TRPM3: variants seen among roughly 807,000 people sequenced by gnomAD.
The protein encoded by TRPM3 is long transient receptor potential channel 3.
Under a neutral mutation model 181.2 loss-of-function variants are expected in TRPM3, and 77 were observed. That is an observed-to-expected ratio of 0.42 (90% CI 0.35 to 0.51). The LOEUF (loss-of-function observed/expected upper bound fraction) is 0.51. Ranked by LOEUF, TRPM3 falls within the 20% of genes least tolerant of loss-of-function variation. The pLI, the probability that TRPM3 is intolerant of heterozygous loss-of-function variation, is 0.01. For missense variants in TRPM3, 1,759 were observed against 2,196.7 expected (o/e 0.80, Z 3.98); for synonymous variants, 745 against 796.4 (o/e 0.94, Z 1.09).
chr9:71,062,950 G>A (rs12003537), intron 1 of TRPM3, among the ~76,000 whole-genome samples: 6,480 of 152,110 alleles, frequency 0.043, 507 homozygotes, highest in African/African-American at 0.15. Flanking sequence ...AAGTTACCCA[G>A]TTTGTGATAT....
intron 6 of TRPM3, among the ~76,000 whole-genome samples, chr9:70,822,005 G>A (rs1418036406): frequency 2.6e-5 from 4 of 152,194 alleles, no homozygotes; most frequent in Non-Finnish European, 5.9e-5. Context: ...TAAACTGACT[G>A]TAGTTGTTTT....
chr9:71,155,574 T>G (rs2075959252), intron 1 of TRPM3, among the ~76,000 whole-genome samples: 1 of 151,182 alleles, frequency 6.6e-6, no homozygotes, highest in Non-Finnish European at 1.5e-5. Context: ...AGGCTGGTCT[T>G]GAACTCCTGA....
At chr9:71,243,706 C>T (rs1016637143) in intron 1 of TRPM3, among the ~76,000 whole-genome samples, 1 of 152,184 alleles carries the variant, frequency 6.6e-6, no homozygotes, top group Admixed American at 6.5e-5. Context: ...CAGCAATGTG[C>T]TGTAATCACA....
At chr9:71,193,412 T>G (rs1411259163) in intron 1 of TRPM3, among the ~76,000 whole-genome samples, 1 of 151,766 alleles carries the variant, frequency 6.6e-6, no homozygotes, top group Admixed American at 6.6e-5. Context: ...TCATTCAAAC[T>G]CTCTTCTCAA....
intron 1 of TRPM3, among the ~76,000 whole-genome samples, chr9:71,237,320 A>G (rs531123727): frequency 1.5e-4 from 23 of 152,274 alleles, no homozygotes; most frequent in African/African-American, 4.8e-4. Context: ...ACAGTTCTAA[A>G]GTATGACCAA....
intron 1 of TRPM3, among the ~76,000 whole-genome samples, chr9:71,248,438 G>A (rs1316906370): frequency 6.6e-6 from 1 of 152,098 alleles, no homozygotes; most frequent in Admixed American, 6.6e-5. Flanking sequence ...ACACACCAGG[G>A]GACAAAGCTA....
intron 24 of TRPM3, among the ~76,000 whole-genome samples, chr9:70,551,544 G>A (rs1170534444): frequency 6.6e-6 from 1 of 152,206 alleles, no homozygotes; most frequent in East Asian, 1.9e-4. Context: ...CACTGGAAAG[G>A]AAATGGATCT....
chr9:71,085,818 C>T (rs192442520), intron 1 of TRPM3, among the ~76,000 whole-genome samples: 146 of 152,124 alleles, frequency 9.6e-4, no homozygotes, highest in African/African-American at 3.3e-3. Flanking sequence ...AATAGGACTA[C>T]CATTCAGCTC....
chr9:70,879,102 G>C (rs1353202384), intron 1 of TRPM3, among the ~76,000 whole-genome samples: 4 of 152,072 alleles, frequency 2.6e-5, no homozygotes, highest in Admixed American at 2.6e-4. Context: ...TGCAGATAAG[G>C]ACACTGAGGA....
intron 1 of TRPM3, among the ~76,000 whole-genome samples, chr9:71,206,985 C>G (rs1173717503): frequency 6.6e-6 from 1 of 152,056 alleles, no homozygotes; most frequent in Admixed American, 6.6e-5. Context: ...GGGATGTTCT[C>G]TTTATCAGTA....
intron 9 of TRPM3, among the ~76,000 whole-genome samples, chr9:70,651,877 T>A (rs566497993): frequency 6.6e-6 from 1 of 152,184 alleles, no homozygotes; most frequent in Admixed American, 6.5e-5. Flanking sequence ...TAGAAGAGTG[T>A]TCTGATCAAA....
intron 21 of TRPM3, among the ~76,000 whole-genome samples, chr9:70,596,977 C>T (rs1272785121): frequency 6.6e-6 from 1 of 152,038 alleles, no homozygotes; most frequent in Non-Finnish European, 1.5e-5. Context: ...TCTTCTTGCC[C>T]AGGCTGGAGT....
At chr9:70,557,309 G>A (rs796632949) in intron 22 of TRPM3, among the ~76,000 whole-genome samples, 117 of 152,266 alleles carry the variant, frequency 7.7e-4, no homozygotes, top group African/African-American at 2.5e-3. Context: ...CAGCAGTAAC[G>A]GCAATATCCG....
At chr9:70,996,845 C>G (rs542755117) in intron 1 of TRPM3, among the ~76,000 whole-genome samples, 1 of 152,246 alleles carries the variant, frequency 6.6e-6, no homozygotes, top group East Asian at 1.9e-4. Flanking sequence ...TTATTTGGCT[C>G]CTATGAACAG....
intron 1 of TRPM3, among the ~76,000 whole-genome samples, chr9:71,182,453 G>C (rs1318962821): frequency 6.6e-6 from 1 of 151,952 alleles, no homozygotes; most frequent in Non-Finnish European, 1.5e-5. Context: ...AGCAAAACCT[G>C]ACAATTTCCT....
intron 8 of TRPM3, among the ~76,000 whole-genome samples, chr9:70,690,718 A>G (rs1340711013): frequency 1.3e-5 from 2 of 152,152 alleles, no homozygotes; most frequent in African/African-American, 2.4e-5. Context: ...ACAAAAATCT[A>G]TGTTCATCAA....
chr9:71,446,564 G>C, intron 1 of TRPM3: 1 of 1,354,280 alleles, frequency 7.4e-7, no homozygotes, highest in Non-Finnish European at 1.0e-6. Context: ...CACCCTTAGG[G>C]AGGCAAGTTC....
At chr9:71,185,527 T>C (rs772189265) in intron 1 of TRPM3, among the ~76,000 whole-genome samples, 1 of 152,212 alleles carries the variant, frequency 6.6e-6, no homozygotes, top group Non-Finnish European at 1.5e-5. Context: ...GTTACTGACG[T>C]AGACCTGGCT....
At chr9:70,955,693 G>T (rs2097060755) in intron 1 of TRPM3, among the ~76,000 whole-genome samples, 2 of 152,122 alleles carry the variant, frequency 1.3e-5, no homozygotes, top group Admixed American at 1.3e-4. Context: ...AGCTCTCCAA[G>T]TAAGATAGCA....
Sources: allele counts gnomAD v4.1 joint callset (sites outside exome capture counted in the v4.1 genomes callset), GRCh38; gene constraint gnomAD v4.1.1; transcripts MANE v1.5; gene names NCBI Gene and HGNC (gene_info 2026-07-23, HGNC 2026-07-21).